The following UMAD1 variants were observed in gnomAD, a reference collection of about 807,000 sequenced individuals.
The protein encoded by UMAD1 is UBAP1-MVB12-associated (UMA) domain containing 1, also known as UBAP1-MVB12-associated (UMA)-domain containing protein 1.
In UMAD1, 8 loss-of-function variants were observed where a neutral mutation model predicts 6.1. The ratio of observed to expected loss-of-function variants is 1.30; its 90% CI spans 0.76 to 2.35. The LOEUF (loss-of-function observed/expected upper bound fraction) is 2.35, where lower values mean the gene tolerates loss of function less well. Among genes scored for constraint, UMAD1 ranks in the 30% most tolerant of loss-of-function variants. The pLI, the probability that UMAD1 is intolerant of heterozygous loss-of-function variation, is 0.00. For missense variants in UMAD1, 130 were observed against 78.4 expected, an observed-to-expected ratio of 1.66 and a Z score of -2.49; for synonymous variants, 56 against 31.4, an observed-to-expected ratio of 1.78 and a Z score of -2.61.
At chr7:7,696,577 A>T (rs1274600619) in intron 2 of UMAD1, among the ~76,000 whole-genome samples, 1 of 152,164 alleles carries the variant, frequency 6.6e-6, no homozygotes, top group East Asian at 1.9e-4. Flanking sequence ...GCTATTAACC[A>T]GTGTCAACTG....
intron 3 of UMAD1, among the ~76,000 whole-genome samples, chr7:7,845,634 T>A (rs1275371385): frequency 6.6e-6 from 1 of 152,146 alleles, no homozygotes; most frequent in Non-Finnish European, 1.5e-5. Flanking sequence ...AGGTAAATGT[T>A]CCTTTTTGTT....
chr7:7,658,605 G>C (rs889741811), intron 1 of UMAD1, among the ~76,000 whole-genome samples: 2 of 152,154 alleles, frequency 1.3e-5, no homozygotes. Flanking sequence ...TTATATGCTG[G>C]ATTACGTTTA....
intron 2 of UMAD1, among the ~76,000 whole-genome samples, chr7:7,694,757 C>T (rs769209118): frequency 3.3e-5 from 5 of 152,136 alleles, no homozygotes; most frequent in Admixed American, 1.3e-4. Context: ...ATTGTGCATA[C>T]GTACCACGTT....
chr7:7,841,385 G>T (rs1783679013), intron 3 of UMAD1, among the ~76,000 whole-genome samples: 1 of 150,812 alleles, frequency 6.6e-6, no homozygotes. Context: ...CACGATCATG[G>T]CTCAGATTTC....
intron 1 of UMAD1, among the ~76,000 whole-genome samples, chr7:7,653,217 A>C (rs1785267356): frequency 6.6e-6 from 1 of 152,230 alleles, no homozygotes; most frequent in South Asian, 2.1e-4. Flanking sequence ...AGTGTTATTT[A>C]CACTCAAATC....
chr7:7,675,017 A>C (rs566479114), intron 2 of UMAD1, among the ~76,000 whole-genome samples: 1 of 152,110 alleles, frequency 6.6e-6, no homozygotes, highest in East Asian at 1.9e-4. Flanking sequence ...ATGTATTTAA[A>C]ATTTTTTTTA....
chr7:7,836,393 A>G (rs954106720), intron 3 of UMAD1, among the ~76,000 whole-genome samples: 3 of 151,974 alleles, frequency 2.0e-5, no homozygotes, highest in African/African-American at 7.2e-5. Flanking sequence ...TTTTCTGGCC[A>G]ACCTGATTTT....
chr7:7,713,276 G>A lies in UMAD1; in HGVS notation c.82+39823G>A, dbSNP rs191177737. ...GGAGAATCACTTGAACCCAGGAGGC[G>A]GAGGTTGTGGTGAGCTGAGATTGCG... On this transcript the variant is annotated intron_variant, in intron 2 of 3. Transcript: ENST00000682710. 4.8e-4 allele frequency among the ~76,000 whole-genome samples: 73 copies of A among 152,108 alleles called. 1 individual carries two copies. The East Asian group carries it at 0.013, about 26-fold the overall frequency.
chr7:7,803,944 A>T (rs1036103711), intron 3 of UMAD1, among the ~76,000 whole-genome samples: 5 of 152,190 alleles, frequency 3.3e-5, no homozygotes, highest in African/African-American at 1.2e-4. Flanking sequence ...TATTTTTCAA[A>T]GTTGATTCAT....
At chr7:7,695,170 C>A (rs1196131072) in intron 2 of UMAD1, among the ~76,000 whole-genome samples, 1 of 152,130 alleles carries the variant, frequency 6.6e-6, no homozygotes, top group Non-Finnish European at 1.5e-5. Flanking sequence ...TACCTGTTTG[C>A]CATTTGTACG....
intron 1 of UMAD1, among the ~76,000 whole-genome samples, chr7:7,667,780 C>T (rs776274882): frequency 7.2e-5 from 11 of 152,168 alleles, no homozygotes; most frequent in South Asian, 2.1e-4. Context: ...CCAACACAGA[C>T]GTCCTAAGTG....
At chr7:7,701,766 G>A (rs1780469869) in intron 2 of UMAD1, among the ~76,000 whole-genome samples, 1 of 152,152 alleles carries the variant, frequency 6.6e-6, no homozygotes, top group Non-Finnish European at 1.5e-5. Context: ...TTCTGCAGCT[G>A]TGGGTCCTCC....
chr7:7,681,163 A>G (rs1779902289), intron 2 of UMAD1, among the ~76,000 whole-genome samples: 1 of 152,146 alleles, frequency 6.6e-6, no homozygotes, highest in Non-Finnish European at 1.5e-5. Flanking sequence ...TTATCTCCTT[A>G]TGTGGCCTTT....
chr7:7,690,400 G>A (rs1780146272), intron 2 of UMAD1, among the ~76,000 whole-genome samples: 1 of 151,914 alleles, frequency 6.6e-6, no homozygotes, highest in Admixed American at 6.6e-5. Flanking sequence ...TATATATTAT[G>A]TTTTTACTGG....
intron 3 of UMAD1, among the ~76,000 whole-genome samples, chr7:7,860,878 CAA>C (rs1454830635): frequency 2.0e-5 from 3 of 151,628 alleles, no homozygotes; most frequent in African/African-American, 7.3e-5. Context: ...AATGAATAAA[CAA>C]AATGTGGCAT....
chr7:7,810,088 C>T (rs532038688), intron 3 of UMAD1, among the ~76,000 whole-genome samples: 153 of 152,124 alleles, frequency 1.0e-3, no homozygotes, highest in Non-Finnish European at 1.6e-3. Flanking sequence ...AACAGTTCTT[C>T]TAGTGGATGC....
At chr7:7,810,180 G>A (rs542879598) in intron 3 of UMAD1, among the ~76,000 whole-genome samples, 41 of 150,822 alleles carry the variant, frequency 2.7e-4, no homozygotes, top group Non-Finnish European at 5.0e-4. Flanking sequence ...GGGTTACAAA[G>A]ATGATTATGA....
chr7:7,675,557 T>C (rs966760630), intron 2 of UMAD1, among the ~76,000 whole-genome samples: 1 of 152,176 alleles, frequency 6.6e-6, no homozygotes, highest in African/African-American at 2.4e-5. Flanking sequence ...GAAGTAGTCT[T>C]TCTTTAACTG....
chr7:7,834,175 C>T (rs1783519307), intron 3 of UMAD1, among the ~76,000 whole-genome samples: 4 of 151,904 alleles, frequency 2.6e-5, no homozygotes, highest in Admixed American at 2.6e-4. Flanking sequence ...GCACCCACCA[C>T]CACGCCTGGA....
Sources: gnomAD v4.1 joint callset for allele counts (sites outside exome capture counted in the v4.1 genomes callset) on GRCh38, gnomAD v4.1.1 for gene constraint, MANE v1.5 for transcripts, NCBI Gene and HGNC (gene_info 2026-07-23, HGNC 2026-07-21) for gene names.